The following LGR5 variants were observed in gnomAD, a reference collection of about 807,000 sequenced individuals.
The protein encoded by LGR5 is leucine rich repeat containing G protein-coupled receptor 5.
A neutral mutation model predicts 76.7 loss-of-function variants in LGR5; 54 were observed. That is an observed-to-expected ratio of 0.70 (90% CI 0.57 to 0.88). The LOEUF (loss-of-function observed/expected upper bound fraction) is 0.88. Among genes scored for constraint, LGR5 ranks in the 40% least tolerant of loss-of-function variants. The pLI is 0.00. For missense variants in LGR5, 1,078 were observed against 1,073.3 expected (o/e 1.00, Z -0.06); for synonymous variants, 406 against 421.9 (o/e 0.96, Z 0.46).
chr12:71,466,672 G>GGT (rs530532020), intron 1 of LGR5, among the ~76,000 whole-genome samples: 6,150 of 144,516 alleles, frequency 0.043, 290 homozygotes, highest in African/African-American at 0.12. Context: ...TGTCTTCCAT[G>GGT]TTTTTTTTTT....
At position 71,533,360 on chromosome 12, in the gene LGR5, T is replaced by TA. The variant is rs1176719688; in HGVS notation, c.357-1753dup. The stretch of plus-strand genomic sequence containing the variant: ...CTCCGTCTCAAAATAAATAAATAAA[T>TA]AATTAAATAACTAAATACATAAATA... On this transcript the variant is annotated intron_variant, in intron 3 of 17. Transcript: ENST00000266674. Among the ~76,000 whole-genome samples, 486 of 152,052 alleles carry TA rather than the reference T, an allele frequency of 3.2e-3. 3 individuals are homozygous for TA. The highest frequency in any genetic ancestry group is 9.6e-3 in the African/African-American group (400 of 41,488).
chr12:71,510,575 C>T (rs185765105), intron 2 of LGR5, among the ~76,000 whole-genome samples: 3 of 151,724 alleles, frequency 2.0e-5, no homozygotes, highest in Admixed American at 1.3e-4. Context: ...AGAGCAAATA[C>T]GACTTGCTGT....
rs537656446 is a variant in LGR5 at position 71,530,195 on chromosome 12, A to T, written c.357-4920A>T. Reference sequence around the variant, plus strand: ...TCTATGAATTTTACTTAAGTATAATAGAAGTGGCATTACAAAATATTTGTT... The same window carrying T: ...TCTATGAATTTTACTTAAGTATAATTGAAGTGGCATTACAAAATATTTGTT... On this transcript the variant is annotated intron_variant, in intron 3 of 17. Transcript: ENST00000266674. Among the ~76,000 whole-genome samples the T allele has an allele frequency of 1.8e-4, 28 of 152,342 alleles. No homozygotes were observed. In the South Asian group the frequency reaches 5.4e-3, roughly 29 times the overall value.
chr12:71,466,469 T>G (rs1395535226), intron 1 of LGR5, among the ~76,000 whole-genome samples: 1 of 152,190 alleles, frequency 6.6e-6, no homozygotes, highest in Non-Finnish European at 1.5e-5. Flanking sequence ...CACCTTGCAT[T>G]GACTTCTTTA....
chr12:71,479,255 G>A (rs1228252483), intron 1 of LGR5, among the ~76,000 whole-genome samples: 1 of 152,146 alleles, frequency 6.6e-6, no homozygotes, highest in Non-Finnish European at 1.5e-5. Flanking sequence ...GAAACACAAG[G>A]AAGATACAGT....
intron 8 of LGR5, among the ~76,000 whole-genome samples, chr12:71,565,485 AT>A (rs1182508703): frequency 7.3e-5 from 11 of 150,488 alleles, no homozygotes; most frequent in Middle Eastern, 3.5e-3. Flanking sequence ...ATATATATAT[AT>A]ATAACACATA....
intron 2 of LGR5, among the ~76,000 whole-genome samples, chr12:71,520,273 T>C (rs1875661663): frequency 6.6e-6 from 1 of 152,224 alleles, no homozygotes; most frequent in Admixed American, 6.5e-5. Flanking sequence ...ACTGAAAATA[T>C]TATGCTTAGT....
chr12:71,519,529 G>A (rs1466907752), intron 2 of LGR5, among the ~76,000 whole-genome samples: 3 of 152,070 alleles, frequency 2.0e-5, no homozygotes, highest in Admixed American at 2.0e-4. Flanking sequence ...GCCGGGCACG[G>A]TGGCTCATGC....
chr12:71,497,205 T>G lies in LGR5; in HGVS notation c.213-7409T>G, dbSNP rs75744113. The stretch of plus-strand genomic sequence containing the variant: ...TAGTGCAAACCTGTGGTTCCAGCTA[T>G]CCGGCAGGCTGAGGTGGGGAGATAA... On this transcript the variant is annotated intron_variant, in intron 1 of 17. Transcript: ENST00000266674. Among the ~76,000 whole-genome samples the G allele has an allele frequency of 1.4e-3, 220 of 152,094 alleles. 2 individuals carry two copies. The East Asian group carries it at 0.039, about 27-fold the overall frequency.
chr12:71,522,892 T>C (rs1875797332), intron 2 of LGR5, among the ~76,000 whole-genome samples: 1 of 152,174 alleles, frequency 6.6e-6, no homozygotes, highest in Non-Finnish European at 1.5e-5. Context: ...TCAGCAATAT[T>C]AACTAATTCA....
intron 11 of LGR5, among the ~76,000 whole-genome samples, chr12:71,568,071 C>T (rs762896886): frequency 3.7e-4 from 56 of 152,252 alleles, no homozygotes; most frequent in Non-Finnish European, 2.2e-4. Context: ...TAATCATCCC[C>T]ATTTCTCCAG....
intron 6 of LGR5, among the ~76,000 whole-genome samples, chr12:71,559,218 C>T (rs1007743332): frequency 7.9e-5 from 12 of 152,190 alleles, no homozygotes; most frequent in African/African-American, 2.7e-4. Context: ...CAAATTCACG[C>T]TGGCCAATTA....
intron 1 of LGR5, among the ~76,000 whole-genome samples, chr12:71,503,434 A>T (rs1874703077): frequency 6.6e-6 from 1 of 152,128 alleles, no homozygotes; most frequent in Non-Finnish European, 1.5e-5. Context: ...GTGGTGCCAT[A>T]CTCTGAAACA....
At chr12:71,480,700 G>A (rs12809678) in intron 1 of LGR5, among the ~76,000 whole-genome samples, 13,645 of 152,218 alleles carry the variant, frequency 0.09, 656 homozygotes, top group Non-Finnish European at 0.11. Flanking sequence ...AGAGAAATAA[G>A]CCTAATCCAG....
intron 1 of LGR5, among the ~76,000 whole-genome samples, chr12:71,477,818 T>C (rs1873407526): frequency 6.6e-6 from 1 of 152,100 alleles, no homozygotes; most frequent in Non-Finnish European, 1.5e-5. Context: ...TGTCAACTAG[T>C]GGTAAATTTC....
At chr12:71,470,226 A>G (rs2137241697) in intron 1 of LGR5, among the ~76,000 whole-genome samples, 1 of 152,310 alleles carries the variant, frequency 6.6e-6, no homozygotes, top group South Asian at 2.1e-4. Flanking sequence ...ATCAATGAGA[A>G]AGTCTTAGCC....
At position 71,439,988 on chromosome 12, in the gene LGR5, G is replaced by A; in HGVS notation, c.-93G>A. On this transcript the variant is annotated 5_prime_UTR_variant, in exon 1 of 18. Transcript: ENST00000266674. Reference sequence around the variant, plus strand: ...TGCAGACGCCCGCTGAGTTGCAGAAGCCCACGGAGCGGCGCCCGGCGCGCC... The same window carrying A: ...TGCAGACGCCCGCTGAGTTGCAGAAACCCACGGAGCGGCGCCCGGCGCGCC... 1 of 1,206,770 alleles carries A rather than the reference G, an allele frequency of 8.3e-7. No individual in the cohort carries two copies. Among genetic ancestry groups the A allele is most frequent in the Non-Finnish European group, 1.2e-6 (1 of 853,466 alleles). 74.8% of individuals were successfully genotyped at this position (1,206,770 alleles called of 1,614,324 possible). A position where few individuals can be genotyped will look rare whatever the true frequency, so the allele number is the denominator to read the frequency against.
intron 2 of LGR5, among the ~76,000 whole-genome samples, chr12:71,518,789 G>A (rs1277810181): frequency 1.3e-5 from 2 of 152,086 alleles, no homozygotes; most frequent in Admixed American, 6.6e-5. Context: ...GCTAAATGAT[G>A]AGAACACATG....
At position 71,494,087 on chromosome 12, in the gene LGR5, G is replaced by A. The variant is rs540655684; in HGVS notation, c.213-10527G>A. On this transcript the variant is annotated intron_variant, in intron 1 of 17. Coordinates refer to ENST00000266674, the MANE Select transcript of LGR5 (RefSeq NM_003667.4). The stretch of plus-strand genomic sequence containing the variant: ...GCCTCCTGAGTAGCTGGGACTACAG[G>A]CACCTGCCACCATGCCCGGCTAATT... Among the ~76,000 whole-genome samples the A allele has an allele frequency of 9.3e-5, 14 of 150,366 alleles. 1 individual carries two copies. In the East Asian group the frequency reaches 2.7e-3, roughly 29 times the overall value.
Sources: allele counts gnomAD v4.1 joint callset (sites outside exome capture counted in the v4.1 genomes callset), GRCh38; gene constraint gnomAD v4.1.1; transcripts MANE v1.5; gene names NCBI Gene and HGNC (gene_info 2026-07-23, HGNC 2026-07-21).